GPC5: variants seen among roughly 807,000 people sequenced by gnomAD.
GPC5 encodes the protein glypican 5.
In GPC5, 47 loss-of-function variants were observed where a neutral mutation model predicts 53.9. The observed-to-expected ratio is 0.87, with a 90% confidence interval of 0.69 to 1.11. The LOEUF is 1.11. Among genes scored for constraint, GPC5 ranks in the 50% most tolerant of loss-of-function variants. The pLI is 0.00. For missense variants in GPC5, 748 were observed against 713.1 expected (o/e 1.05, Z -0.56); for synonymous variants, 286 against 263.3 (o/e 1.09, Z -0.84).
At chr13:91,423,543 A>G (rs1878791045) in intron 1 of GPC5, among the ~76,000 whole-genome samples, 2 of 152,110 alleles carry the variant, frequency 1.3e-5, no homozygotes, top group Admixed American at 1.3e-4. Context: ...CCTACTATGT[A>G]TGGAGAGTAG....
At chr13:91,552,693 C>G (rs369649528) in intron 2 of GPC5, among the ~76,000 whole-genome samples, 67 of 152,230 alleles carry the variant, frequency 4.4e-4, no homozygotes, top group African/African-American at 1.6e-3. Flanking sequence ...TTAAGAATGC[C>G]TTTAAGGGGT....
chr13:91,451,673 G>A (rs1277463948), intron 2 of GPC5, among the ~76,000 whole-genome samples: 9 of 151,488 alleles, frequency 5.9e-5, no homozygotes, highest in Non-Finnish European at 1.0e-4. Flanking sequence ...GCTAGAGTGC[G>A]GTGGCATGAT....
chr13:91,892,977 T>G (rs1248320887), intron 5 of GPC5, among the ~76,000 whole-genome samples: 1 of 151,992 alleles, frequency 6.6e-6, no homozygotes, highest in Non-Finnish European at 1.5e-5. Flanking sequence ...CATTTGAAGT[T>G]TTTTCTCTGT....
chr13:92,310,513 T>G (rs2043138400), intron 7 of GPC5, among the ~76,000 whole-genome samples: 1 of 152,200 alleles, frequency 6.6e-6, no homozygotes, highest in Non-Finnish European at 1.5e-5. Flanking sequence ...GTGGTTTAAT[T>G]GTTGCATTGC....
At chr13:91,599,538 T>C (rs1485297145) in intron 2 of GPC5, among the ~76,000 whole-genome samples, 1 of 152,088 alleles carries the variant, frequency 6.6e-6, no homozygotes, top group African/African-American at 2.4e-5. Flanking sequence ...CTAACACAAA[T>C]AATAATGTGC....
At chr13:92,383,901 C>T (rs2139311706) in intron 7 of GPC5, among the ~76,000 whole-genome samples, 1 of 152,116 alleles carries the variant, frequency 6.6e-6, no homozygotes, top group South Asian at 2.1e-4. Flanking sequence ...CACTTTTCCC[C>T]AGAGAATGAA....
intron 7 of GPC5, among the ~76,000 whole-genome samples, chr13:92,754,019 C>A (rs1874727400): frequency 6.6e-6 from 1 of 152,058 alleles, no homozygotes. Flanking sequence ...CTCCAAGACA[C>A]ATAATTGTCA....
intron 3 of GPC5, among the ~76,000 whole-genome samples, chr13:91,723,865 C>T (rs531844349): frequency 1.6e-4 from 24 of 152,294 alleles, no homozygotes; most frequent in Middle Eastern, 3.4e-3. Flanking sequence ...TCTAATGTAT[C>T]TGGGACATTA....
intron 5 of GPC5, among the ~76,000 whole-genome samples, chr13:91,884,089 G>C (rs1015552020): frequency 6.6e-6 from 1 of 152,102 alleles, no homozygotes; most frequent in Admixed American, 6.6e-5. Context: ...TTACTAAAAA[G>C]TCAAAAAATA....
intron 2 of GPC5, among the ~76,000 whole-genome samples, chr13:91,463,997 T>C (rs1311722806): frequency 1.3e-5 from 2 of 152,076 alleles, no homozygotes; most frequent in Admixed American, 1.3e-4. Context: ...GCATATGTGA[T>C]GAAGTACTTG....
chr13:91,952,664 G>C (rs1266414498), intron 6 of GPC5, among the ~76,000 whole-genome samples: 1 of 152,098 alleles, frequency 6.6e-6, no homozygotes, highest in Non-Finnish European at 1.5e-5. Context: ...AACAAATACA[G>C]AAGAGAATTT....
intron 7 of GPC5, among the ~76,000 whole-genome samples, chr13:92,766,728 T>TAGAG (rs753235922): frequency 5.3e-5 from 8 of 151,926 alleles, no homozygotes; most frequent in Non-Finnish European, 8.8e-5. Context: ...TAAGTCAAAA[T>TAGAG]AGAGAGAGAG....
At chr13:91,588,431 A>ATTTTGCAT (rs1490715268) in intron 2 of GPC5, among the ~76,000 whole-genome samples, 4 of 152,054 alleles carry the variant, frequency 2.6e-5, no homozygotes, top group African/African-American at 4.8e-5. Flanking sequence ...TCTGAGCCTC[A>ATTTTGCAT]TTTTGCATTG....
intron 1 of GPC5, among the ~76,000 whole-genome samples, chr13:91,444,489 T>C (rs1259358659): frequency 6.6e-6 from 1 of 152,206 alleles, no homozygotes; most frequent in Non-Finnish European, 1.5e-5. Flanking sequence ...TTAGTGTTTG[T>C]TTTTCTGAAC....
chr13:92,348,527 C>A (rs1480759758), intron 7 of GPC5, among the ~76,000 whole-genome samples: 1 of 152,014 alleles, frequency 6.6e-6, no homozygotes, highest in East Asian at 1.9e-4. Context: ...ATTATTCATA[C>A]AGAAAATTAA....
chr13:91,456,150 C>T (rs776535289), intron 2 of GPC5, among the ~76,000 whole-genome samples: 3 of 152,056 alleles, frequency 2.0e-5, no homozygotes, highest in South Asian at 4.1e-4. Context: ...ATTAAATACC[C>T]ACCGCAGGGC....
intron 7 of GPC5, among the ~76,000 whole-genome samples, chr13:92,644,606 A>G (rs532479426): frequency 3.2e-4 from 49 of 152,184 alleles, no homozygotes; most frequent in Non-Finnish European, 6.8e-4. Flanking sequence ...TGGAGGGAAA[A>G]AAGGTAGATC....
rs148590063 is a variant in GPC5 at position 91,860,084 on chromosome 13, C to CT, written c.1281-47850dup. On this transcript the variant is annotated intron_variant, in intron 5 of 7. Transcript: ENST00000377067. ...CTTTGTTTTGGGAACATTCAATATC[C>CT]TTTGCTAACTATTTGAAACTATATA... Among the ~76,000 whole-genome samples, 6 of 152,126 alleles carry CT rather than the reference C, an allele frequency of 3.9e-5. No individual in the cohort carries two copies. The East Asian group carries it at 1.2e-3, about 29-fold the overall frequency.
intron 6 of GPC5, among the ~76,000 whole-genome samples, chr13:91,921,427 A>G (rs949827504): frequency 6.6e-6 from 1 of 152,214 alleles, no homozygotes; most frequent in East Asian, 1.9e-4. Flanking sequence ...CATATGGAAA[A>G]GATACTGCTA....
Sources: allele counts gnomAD v4.1 joint callset (sites outside exome capture counted in the v4.1 genomes callset), GRCh38; gene constraint gnomAD v4.1.1; transcripts MANE v1.5; gene names NCBI Gene and HGNC (gene_info 2026-07-23, HGNC 2026-07-21).